PHLPP1: variants seen among roughly 807,000 people sequenced by gnomAD.
PHLPP1 encodes PH domain leucine-rich repeat-containing protein phosphatase 1.
In PHLPP1, 42 loss-of-function variants were observed where a neutral mutation model predicts 117.2. The ratio of observed to expected loss-of-function variants is 0.36; its 90% CI spans 0.28 to 0.46. The LOEUF (loss-of-function observed/expected upper bound fraction) is 0.46. PHLPP1 is among the 20% of genes least tolerant of loss of function. The probability of loss-of-function intolerance (pLI) is 1.00; values close to 1 mark genes in which losing one functional copy is unlikely to be tolerated. For synonymous variants in PHLPP1, 1,042 were observed against 970.7 expected, an observed-to-expected ratio of 1.07 and a Z score of -1.37; for missense variants, 2,084 against 2,241.9, an observed-to-expected ratio of 0.93 and a Z score of 1.42.
In PHLPP1 at chr18:62,905,222, A is replaced by G; in HGVS notation, c.2648-2A>G. The G allele has an allele frequency of 6.5e-7, 1 of 1,532,642 alleles. No individual in the cohort carries two copies. Among genetic ancestry groups the G allele is most frequent in the Non-Finnish European group, 8.8e-7 (1 of 1,141,812 alleles). 94.9% of individuals were successfully genotyped at this position (1,532,642 alleles called of 1,614,324 possible). A position where few individuals can be genotyped will look rare whatever the true frequency, so the allele number is the denominator to read the frequency against. ...TTGTGGGGTTTTTTTTTTTCTTCCT[A>G]GAACTTGTTCAACTTGATGTTTACC... On this transcript the variant is annotated splice_acceptor_variant, in intron 7 of 16. Coordinates refer to ENST00000262719, the MANE Select transcript of PHLPP1 (RefSeq NM_194449.4). LOFTEE classifies it high-confidence loss of function.
intron 10 of PHLPP1, among the ~76,000 whole-genome samples, chr18:62,935,060 G>A (rs949671745): frequency 2.0e-5 from 3 of 152,274 alleles, no homozygotes; most frequent in Admixed American, 2.0e-4. Flanking sequence ...ATCAATTAGA[G>A]GCATGAGCGT....
chr18:62,752,132 C>T (rs1278296798), intron 1 of PHLPP1, among the ~76,000 whole-genome samples: 1 of 152,160 alleles, frequency 6.6e-6, no homozygotes, highest in Non-Finnish European at 1.5e-5. Flanking sequence ...GGCTGGAGTG[C>T]AGTGGCATGA....
intron 3 of PHLPP1, among the ~76,000 whole-genome samples, chr18:62,844,334 A>G (rs1915126183): frequency 6.6e-6 from 1 of 152,310 alleles, no homozygotes; most frequent in African/African-American, 2.4e-5. Flanking sequence ...GCAAGATTTC[A>G]TCTCAAAAAT....
intron 1 of PHLPP1, among the ~76,000 whole-genome samples, chr18:62,800,559 C>G (rs556242853): frequency 2.7e-5 from 4 of 150,866 alleles, no homozygotes; most frequent in African/African-American, 4.9e-5. Flanking sequence ...AGTTAAAATT[C>G]TCAAGGGGAA....
chr18:62,753,200 T>C (rs2144238314), intron 1 of PHLPP1, among the ~76,000 whole-genome samples: 1 of 152,322 alleles, frequency 6.6e-6, no homozygotes, highest in South Asian at 2.1e-4. Flanking sequence ...GCACATTTTA[T>C]TATGGTTAAG....
chr18:62,947,800 G>A (rs768119805), intron 12 of PHLPP1, among the ~76,000 whole-genome samples: 1 of 152,160 alleles, frequency 6.6e-6, no homozygotes, highest in African/African-American at 2.4e-5. Flanking sequence ...GGCTGAGGCA[G>A]GTGGATCATG....
At chr18:62,898,452 C>G (rs1916628332) in intron 6 of PHLPP1, among the ~76,000 whole-genome samples, 1 of 152,140 alleles carries the variant, frequency 6.6e-6, no homozygotes, top group Admixed American at 6.5e-5. Flanking sequence ...TGTCTTCTAC[C>G]TGAGCCATTT....
At chr18:62,920,588 C>T (rs967812481) in intron 10 of PHLPP1, among the ~76,000 whole-genome samples, 3 of 152,166 alleles carry the variant, frequency 2.0e-5, no homozygotes, top group Admixed American at 6.5e-5. Context: ...GAGACAGAGT[C>T]GCACTCTGTC....
At chr18:62,962,960 A>G (rs1910808781) in intron 13 of PHLPP1, among the ~76,000 whole-genome samples, 1 of 152,216 alleles carries the variant, frequency 6.6e-6, no homozygotes, top group Admixed American at 6.5e-5. Flanking sequence ...TAAATGCAGT[A>G]TAATTGTGGC....
rs758822508 is a variant in PHLPP1 at position 62,895,071 on chromosome 18, A to G, written c.2127A>G (p.Ala709=). The change falls in exon 5 of 17, where the codon GCA becomes GCG. Residue 709 remains alanine, a synonymous_variant. Transcript: ENST00000262719. ...ATCATTTAGGGGACTTCCCACTGGC[A>G]GTCTGCAGTATTCCAACCCTGGCAG... is the stretch of plus-strand genomic sequence containing the variant. The part of the protein sequence containing the change: ...SNNHLGDFPL[A]VCSIPTLAEL... The G allele has an allele frequency of 6.2e-7, 1 of 1,613,584 alleles. No individual in the cohort carries two copies. Among genetic ancestry groups the G allele is most frequent in the Non-Finnish European group, 8.5e-7 (1 of 1,179,548 alleles).
intron 1 of PHLPP1, among the ~76,000 whole-genome samples, chr18:62,815,061 G>A (rs564135245): frequency 1.2e-4 from 19 of 152,146 alleles, no homozygotes; most frequent in African/African-American, 4.6e-4. Flanking sequence ...TAGCTGTGTA[G>A]TTCTGGATCA....
In PHLPP1 at chr18:62,738,762, G is replaced by A. The variant is rs1911439776; in HGVS notation, c.1576+21503G>A. On this transcript the variant is annotated intron_variant, in intron 1 of 16. Coordinates refer to ENST00000262719, the MANE Select transcript of PHLPP1 (RefSeq NM_194449.4). Reference sequence around the variant, plus strand: ...ACTGTAATAAAAGTTATGTGAATATGGTCTGTCAATCTTACTGTATTGTAC... The same window carrying A: ...ACTGTAATAAAAGTTATGTGAATATAGTCTGTCAATCTTACTGTATTGTAC... Among the ~76,000 whole-genome samples, 3 of 152,174 alleles carry A rather than the reference G, an allele frequency of 2.0e-5. No individual in the cohort carries two copies. In the South Asian group the frequency reaches 6.2e-4, roughly 32 times the overall value.
At chr18:62,755,540 T>G (rs758258776) in intron 1 of PHLPP1, among the ~76,000 whole-genome samples, 12 of 152,162 alleles carry the variant, frequency 7.9e-5, no homozygotes, top group Non-Finnish European at 1.3e-4. Flanking sequence ...ATTAGTGCCC[T>G]TATAAAAGAC....
chr18:62,889,776 A>T (rs1182418343), intron 4 of PHLPP1: 1 of 152,254 alleles, frequency 6.6e-6, no homozygotes, highest in Non-Finnish European at 1.5e-5. Flanking sequence ...TCCAATGGGA[A>T]TATAATATGA....
intron 1 of PHLPP1, among the ~76,000 whole-genome samples, chr18:62,771,907 A>G (rs1912793595): frequency 6.6e-6 from 1 of 152,232 alleles, no homozygotes; most frequent in African/African-American, 2.4e-5. Context: ...TGCTTCTGGC[A>G]TCTTATTGGC....
intron 1 of PHLPP1, among the ~76,000 whole-genome samples, chr18:62,738,789 C>T (rs962013390): frequency 6.6e-6 from 1 of 152,186 alleles, no homozygotes; most frequent in Non-Finnish European, 1.5e-5. Flanking sequence ...GTATTGTACT[C>T]ATCTATTTTT....
rs768217435 is a variant in PHLPP1 at position 62,978,357 on chromosome 18, G to A, written c.4080G>A (p.Val1360=). ...TGCCTCGCCCCCACGTGCAGTCCGTGCTCCTGACTCCCCAGGATGAGTTCT... is the reference window on the plus strand; with the variant it reads ...TGCCTCGCCCCCACGTGCAGTCCGTACTCCTGACTCCCCAGGATGAGTTCT... The part of the protein sequence containing the change: ...SVVPRPHVQS[V]LLTPQDEFFI... Residue 1360 remains valine (V), a synonymous_variant, in exon 17 of 17, where the codon GTG becomes GTA. Coordinates refer to ENST00000262719, the MANE Select transcript of PHLPP1 (RefSeq NM_194449.4). The surrounding 1 kb of genome is among the most constrained non-coding windows in gnomAD (Gnocchi z 7.0). 45 of 1,612,698 alleles carry A rather than the reference G, an allele frequency of 2.8e-5. No homozygotes were observed. Among genetic ancestry groups the A allele is most frequent in the Non-Finnish European group, 3.8e-5 (45 of 1,179,142 alleles).
intron 1 of PHLPP1, among the ~76,000 whole-genome samples, chr18:62,800,773 CGATGCTGAGCT>C: frequency 6.6e-6 from 1 of 152,000 alleles, no homozygotes; most frequent in East Asian, 1.9e-4. Context: ...TGAAGCTATT[CGATGCTGAGCT>C]GGCTTCTCCG....
chr18:62,800,466 T>C (rs997086074), intron 1 of PHLPP1, among the ~76,000 whole-genome samples: 1 of 152,204 alleles, frequency 6.6e-6, no homozygotes, highest in Non-Finnish European at 1.5e-5. Context: ...AGGTATATAG[T>C]GGTGATCTCA....
Sources: gnomAD v4.1 joint callset for allele counts (sites outside exome capture counted in the v4.1 genomes callset) on GRCh38, gnomAD v4.1.1 for gene constraint, Gnocchi (gnomAD v3.1) non-coding constraint, MANE v1.5 for transcripts, NCBI Gene and HGNC (gene_info 2026-07-23, HGNC 2026-07-21) for gene names.